The following DICER1 variants were observed in gnomAD, a reference collection of about 807,000 sequenced individuals.
DICER1 encodes the protein dicer 1, ribonuclease III.
In DICER1, 43 loss-of-function variants were observed where a neutral mutation model predicts 194.1. That is an observed-to-expected ratio of 0.22 (90% CI 0.17 to 0.29). DICER1 has a LOEUF of 0.29. DICER1 is among the 10% of genes least tolerant of loss of function. The pLI is 1.00. For synonymous variants in DICER1, 832 were observed against 820.5 expected (o/e 1.01, Z -0.24); for missense variants, 1,608 against 2,317.0 (o/e 0.69, Z 6.28).
At chr14:95,097,183 C>T (rs1890431222) in intron 22 of DICER1, among the ~76,000 whole-genome samples, 1 of 152,146 alleles carries the variant, frequency 6.6e-6, no homozygotes, top group Non-Finnish European at 1.5e-5. Context: ...TGTAGAAAAG[C>T]ATTACCTTTG....
At chr14:95,116,352 A>G in intron 10 of DICER1, 101 bp downstream of exon 10, 3 of 1,418,594 alleles carry the variant, frequency 2.1e-6, no homozygotes, top group South Asian at 2.4e-5. Flanking sequence ...TTGCCTGTAG[A>G]TAAAACTCAT....
chr14:95,124,163 T>C lies in DICER1; in HGVS notation c.1376+33A>G. The C allele has an allele frequency of 6.6e-7, 1 of 1,525,146 alleles. No individual in the cohort carries two copies. The highest frequency in any genetic ancestry group is 9.1e-7 in the Non-Finnish European group (1 of 1,101,990). The allele number at this position is 1,525,146 out of a possible 1,614,324, so 94.5% of individuals were successfully genotyped here. A position where few individuals can be genotyped will look rare whatever the true frequency, so the allele number is the denominator to read the frequency against. On this transcript the variant is annotated intron_variant, in intron 8 of 26. Coordinates refer to ENST00000343455, the MANE Select transcript of DICER1 (RefSeq NM_177438.3). The surrounding 1 kb of genome is among the most constrained non-coding windows in gnomAD (Gnocchi z 4.5). ...ATCACAACACAGGACGCCTCCCTGTTCTCATGTGAAAGGAGTCAACTTACA... is the reference window on the plus strand; with the variant it reads ...ATCACAACACAGGACGCCTCCCTGTCCTCATGTGAAAGGAGTCAACTTACA...
chr14:95,123,142 T>C (rs1893091666), intron 8 of DICER1, among the ~76,000 whole-genome samples: 2 of 151,856 alleles, frequency 1.3e-5, no homozygotes, highest in Admixed American at 1.3e-4. Flanking sequence ...AAAATAAGAG[T>C]ATCTATCTAC....
At chr14:95,127,672 T>C (rs1893591455) in intron 6 of DICER1, among the ~76,000 whole-genome samples, 1 of 152,230 alleles carries the variant, frequency 6.6e-6, no homozygotes, top group African/African-American at 2.4e-5. Flanking sequence ...TCAAAAGGTT[T>C]CAGATTTTGG....
intron 26 of DICER1, 160 bp from the exon 27 acceptor site, chr14:95,090,823 C>CA: frequency 1.0e-6 from 1 of 999,202 alleles, no homozygotes; most frequent in Non-Finnish European, 1.6e-6. Context: ...ATACCCCCGA[C>CA]AGACAGGGCT....
intron 5 of DICER1, 31 bp downstream of exon 5, chr14:95,130,027 A>C (rs1031959442): frequency 6.2e-7 from 1 of 1,606,684 alleles, no homozygotes; most frequent in African/African-American, 1.3e-5. Flanking sequence ...TAGTTTACCA[A>C]GAATTACTAA....
chr14:95,087,518 C>G lies in DICER1; in HGVS notation c.*2980G>C, dbSNP rs1376322416. ...CTTTTTCAAATTCCATAAATCAAAA[C>G]AGCAGCAAGGCCAAACCACATTTTT... On this transcript the variant is annotated 3_prime_UTR_variant, in exon 27 of 27. Coordinates refer to ENST00000343455, the MANE Select transcript of DICER1 (RefSeq NM_177438.3). The G allele has an allele frequency of 4.3e-6, 1 of 232,926 alleles. No homozygotes were observed. The highest frequency in any genetic ancestry group is 2.2e-5 in the African/African-American group (1 of 45,294). 14.4% of individuals were successfully genotyped at this position (232,926 alleles called of 1,614,324 possible).
chr14:95,112,999 A>G (rs1566784604), intron 12 of DICER1, 93 bp downstream of exon 12: 1 of 1,355,680 alleles, frequency 7.4e-7, no homozygotes, highest in Non-Finnish European at 1.1e-6. Flanking sequence ...TTAAAATCAA[A>G]TTTACCTATA....
Position 95,105,067 on chromosome 14 carries a change from A to G in DICER1, c.3269+4T>C, listed in dbSNP as rs773127286. On this transcript the variant is annotated splice_donor_region_variant and intron_variant, in intron 20 of 26. Transcript: ENST00000343455. The surrounding 1 kb of genome is among the most constrained non-coding windows in gnomAD (Gnocchi z 4.9). ...GTTCTTTCTGGCTGACTGCACAGGC[A>G]TACCTAAAATCCGCAGGAAGTGATC... 2 of 1,613,882 alleles carry G rather than the reference A, an allele frequency of 1.2e-6. No homozygotes were observed. The highest frequency in any genetic ancestry group is 1.7e-6 in the Non-Finnish European group (2 of 1,179,934).
intron 15 of DICER1, 62 bp downstream of exon 15, chr14:95,108,262 T>G (rs956339949): frequency 6.5e-7 from 1 of 1,527,024 alleles, no homozygotes; most frequent in African/African-American, 1.4e-5. Context: ...TACTAGTTTT[T>G]TTTTTTTTCC....
chr14:95,138,317 A>G (rs1051893948), intron 1 of DICER1, among the ~76,000 whole-genome samples: 10 of 151,840 alleles, frequency 6.6e-5, no homozygotes, highest in Admixed American at 2.0e-4. Context: ...TCAATCTGAG[A>G]AAAAAAGTGG....
chr14:95,111,123 G>A (rs1891914181), intron 14 of DICER1, among the ~76,000 whole-genome samples, 194 bp downstream of exon 14: 2 of 152,156 alleles, frequency 1.3e-5, no homozygotes, highest in Non-Finnish European at 2.9e-5. Flanking sequence ...TGAAGTGGAA[G>A]AGCACACATT....
chr14:95,112,320 A>G, intron 12 of DICER1, 73 bp from the exon 13 acceptor site: 1 of 1,178,206 alleles, frequency 8.5e-7, no homozygotes, highest in Non-Finnish European at 1.3e-6. Context: ...AACACCTATG[A>G]AACCACTGCC....
At chr14:95,113,310 C>T in intron 11 of DICER1, 86 bp from the exon 12 acceptor site, 2 of 1,263,814 alleles carry the variant, frequency 1.6e-6, no homozygotes, top group South Asian at 1.2e-5. Context: ...TGTCATGTGC[C>T]TCTTCCCCTC....
intron 4 of DICER1, 47 bp downstream of exon 4, chr14:95,131,461 CA>C: frequency 6.3e-7 from 1 of 1,583,782 alleles, no homozygotes; most frequent in Non-Finnish European, 8.7e-7. Context: ...CAAACCAAGT[CA>C]AGAACTTGTA....
At position 95,105,002 on chromosome 14, in the gene DICER1, C is replaced by T; in HGVS notation, c.3269+69G>A. Reference sequence around the variant, plus strand: ...AGAATTATTTTATATACAATTTTAACTTAATTCTGTTCTTTTGCAAACAGG... The same window carrying T: ...AGAATTATTTTATATACAATTTTAATTTAATTCTGTTCTTTTGCAAACAGG... On this transcript the variant is annotated intron_variant, in intron 20 of 26. Coordinates refer to ENST00000343455, the MANE Select transcript of DICER1 (RefSeq NM_177438.3). The surrounding 1 kb of genome is among the most constrained non-coding windows in gnomAD (Gnocchi z 4.9). 2 of 1,437,360 alleles carry T rather than the reference C, an allele frequency of 1.4e-6. No individual in the cohort carries two copies. Among genetic ancestry groups the T allele is most frequent in the Non-Finnish European group, 9.8e-7 (1 of 1,022,210 alleles). 89.0% of individuals were successfully genotyped at this position (1,437,360 alleles called of 1,614,324 possible). A position where few individuals can be genotyped will look rare whatever the true frequency, so the allele number is the denominator to read the frequency against.
Position 95,133,296 on chromosome 14 carries a change from T to C in DICER1, c.144+19A>G, listed in dbSNP as rs1313193644. ...CATTTTAGTGTAGAATGCTCCAGTA[T>C]TAGTGTTCGCATTAGTACCTGATAT... On this transcript the variant is annotated intron_variant, in intron 2 of 26. Transcript: ENST00000343455. The C allele has an allele frequency of 6.2e-7, 1 of 1,612,812 alleles. No homozygotes were observed. Among genetic ancestry groups the C allele is most frequent in the Non-Finnish European group, 8.5e-7 (1 of 1,179,020 alleles).
chr14:95,091,809 G>A (rs942808628), intron 24 of DICER1, among the ~76,000 whole-genome samples: 2 of 152,202 alleles, frequency 1.3e-5, no homozygotes, highest in Non-Finnish European at 2.9e-5. Context: ...GCTTTGGGGA[G>A]CAGAAATCGC....
At chr14:95,126,977 TA>T (rs891597200) in intron 6 of DICER1, among the ~76,000 whole-genome samples, 4 of 152,168 alleles carry the variant, frequency 2.6e-5, no homozygotes, top group African/African-American at 4.8e-5. Flanking sequence ...AAGTGTTGTT[TA>T]AAAGATGTTT....
Sources: gnomAD v4.1 joint callset for allele counts (sites outside exome capture counted in the v4.1 genomes callset) on GRCh38, gnomAD v4.1.1 for gene constraint, Gnocchi (gnomAD v3.1) non-coding constraint, MANE v1.5 for transcripts, NCBI Gene and HGNC (gene_info 2026-07-23, HGNC 2026-07-21) for gene names.